The following FNIP2 variants were observed in gnomAD, a reference collection of about 807,000 sequenced individuals.
The protein encoded by FNIP2 is folliculin-interacting protein 2.
Under a neutral mutation model 108.7 loss-of-function variants are expected in FNIP2, and 32 were observed. The ratio of observed to expected loss-of-function variants is 0.29; its 90% confidence interval spans 0.22 to 0.40. FNIP2 has a LOEUF of 0.40. Among genes scored for constraint, FNIP2 ranks in the 10% least tolerant of loss-of-function variants. The probability of loss-of-function intolerance (pLI) is 1.00; values close to 1 mark genes in which losing one functional copy is unlikely to be tolerated. For missense variants in FNIP2, 1,202 were observed against 1,381.6 expected (o/e 0.87, Z 2.06); for synonymous variants, 480 against 496.7 (o/e 0.97, Z 0.45).
chr4:158,854,390 C>T (rs1040681717), intron 8 of FNIP2, among the ~76,000 whole-genome samples: 9 of 152,228 alleles, frequency 5.9e-5, no homozygotes, highest in African/African-American at 2.2e-4. Flanking sequence ...ACCACAGTCA[C>T]AGCCATTAGT....
Position 158,816,585 on chromosome 4 carries a change from C to G in FNIP2, c.108-9331C>G, listed in dbSNP as rs115859166. Among the ~76,000 whole-genome samples, 420 of 152,172 alleles carry G rather than the reference C, an allele frequency of 2.8e-3. 3 individuals carry two copies. Among genetic ancestry groups the G allele is most frequent in the African/African-American group, 9.6e-3 (399 of 41,508 alleles). ...ATCAGTTGAAGTCAGGAGTTCGAAA[C>G]TAGCCTGGCCAACATGCTGAAACCC... On this transcript the variant is annotated intron_variant, in intron 1 of 16. Transcript: ENST00000264433.
intron 1 of FNIP2, among the ~76,000 whole-genome samples, chr4:158,813,303 A>C (rs1244357362): frequency 6.6e-6 from 1 of 152,198 alleles, no homozygotes; most frequent in Non-Finnish European, 1.5e-5. Flanking sequence ...CACCACCAGC[A>C]ATGGGTGAGA....
At chr4:158,897,242 T>C (rs1160861965) in intron 16 of FNIP2, among the ~76,000 whole-genome samples, 8 of 152,254 alleles carry the variant, frequency 5.3e-5, no homozygotes, top group Non-Finnish European at 1.0e-4. Flanking sequence ...AGTCTATCAT[T>C]GATGGGCATT....
chr4:158,875,770 A>G (rs1279713596), intron 14 of FNIP2, among the ~76,000 whole-genome samples: 1 of 152,070 alleles, frequency 6.6e-6, no homozygotes, highest in Non-Finnish European at 1.5e-5. Flanking sequence ...TGTTTGGATA[A>G]TAAACATGGC....
At chr4:158,889,361 TC>T (rs1187347321) in intron 14 of FNIP2, among the ~76,000 whole-genome samples, 2 of 152,234 alleles carry the variant, frequency 1.3e-5, no homozygotes, top group Non-Finnish European at 1.5e-5. Flanking sequence ...TGCAGAATCT[TC>T]CATCCATCAC....
chr4:158,859,616 C>G lies in FNIP2; in HGVS notation c.1098C>G (p.Leu366=). The G allele has an allele frequency of 6.2e-7, 1 of 1,613,604 alleles. No homozygotes were observed. The highest frequency in any genetic ancestry group is 8.5e-7 in the Non-Finnish European group (1 of 1,179,748). ...GTAGGAAAATAGCAGAATCAAGTCT[C>G]CGAGTCCAGTTTTATGTCAGCCGTT... ...ISCRKIAESS[L]RVQFYVSRLM... Residue 366 remains leucine, a synonymous_variant, in exon 10 of 17, where the codon CTC becomes CTG. Coordinates refer to ENST00000264433, the MANE Select transcript of FNIP2 (RefSeq NM_020840.3).
In FNIP2 at chr4:158,868,182, C is replaced by T. The variant is rs1780694044; in HGVS notation, c.1546C>T (p.Arg516Ter). Residue 516 changes from arginine (R) to a stop codon, truncating the protein, a stop_gained, in exon 13 of 17, where the codon CGA becomes TGA. Transcript: ENST00000264433. LOFTEE classifies it high-confidence loss of function. This position sits in a 1 kb window ranked among gnomAD's most constrained non-coding sequence, Gnocchi z 4.6. The stretch of plus-strand genomic sequence containing the variant: ...AGGGAAGCAGAAGGACTTAGTCCAG[C>T]GAATACTTTATGTCCTGACCTACTT... ...VVGKQKDLVQ[R>*]ILYVLTYFLR... The T allele has an allele frequency of 1.2e-6, 2 of 1,614,040 alleles. No homozygotes were observed. Among genetic ancestry groups the T allele is most frequent in the Non-Finnish European group, 1.7e-6 (2 of 1,179,900 alleles).
intron 1 of FNIP2, among the ~76,000 whole-genome samples, chr4:158,771,775 GT>G (rs1775706969): frequency 6.6e-6 from 1 of 152,194 alleles, no homozygotes; most frequent in South Asian, 2.1e-4. Context: ...TTGTTTTAGA[GT>G]TTGTATATCT....
chr4:158,854,540 C>T (rs1327379093), intron 8 of FNIP2, among the ~76,000 whole-genome samples: 3 of 152,218 alleles, frequency 2.0e-5, no homozygotes, highest in East Asian at 1.9e-4. Context: ...TCATCCGTGC[C>T]CTCCCCATCA....
chr4:158,772,973 G>A (rs568195173), intron 1 of FNIP2, among the ~76,000 whole-genome samples: 4 of 152,184 alleles, frequency 2.6e-5, no homozygotes, highest in South Asian at 2.1e-4. Flanking sequence ...ACTAAGGGCC[G>A]GATTGTGATT....
chr4:158,832,005 G>A (rs374209799), intron 4 of FNIP2, 44 bp downstream of exon 4: 35 of 1,597,088 alleles, frequency 2.2e-5, no homozygotes, highest in East Asian at 1.1e-4. Context: ...GAAGTGGAAC[G>A]GTGGTATTGA....
At position 158,907,100 on chromosome 4, in the gene FNIP2, C is replaced by G. The variant is rs537856074; in HGVS notation, c.*2556C>G. 4 of 152,318 alleles carry G rather than the reference C, an allele frequency of 2.6e-5. No individual in the cohort carries two copies. Among genetic ancestry groups the G allele is most frequent in the African/African-American group, 9.6e-5 (4 of 41,570 alleles). The allele number at this position is 152,318 out of a possible 1,614,324, so 9.4% of individuals were successfully genotyped here. On this transcript the variant is annotated 3_prime_UTR_variant, in exon 17 of 17. Transcript: ENST00000264433. ...TAGTGAGGCATGACAGAGCAGAAGT[C>G]TGTAAATGTCCCTGTGATGGACCTC...
intron 6 of FNIP2, 26 bp from the exon 7 acceptor site, chr4:158,835,379 A>G (rs1018417409): frequency 1.9e-6 from 3 of 1,607,784 alleles, no homozygotes; most frequent in African/African-American, 1.3e-5. Context: ...GCCCAATAAC[A>G]TGGTTTTCTT....
At chr4:158,829,603 T>TA (rs1578877901) in intron 3 of FNIP2, among the ~76,000 whole-genome samples, 1 of 152,056 alleles carries the variant, frequency 6.6e-6, no homozygotes, top group East Asian at 1.9e-4. Context: ...AAATAGAACA[T>TA]ACCAGTAAAA....
chr4:158,828,242 T>C (rs528151114), intron 2 of FNIP2, among the ~76,000 whole-genome samples: 1 of 152,376 alleles, frequency 6.6e-6, no homozygotes, highest in African/African-American at 2.4e-5. Context: ...TTCAGGGTTT[T>C]GGTTTCATCC....
At chr4:158,832,405 G>A (rs1379290772) in intron 5 of FNIP2, among the ~76,000 whole-genome samples, 1 of 151,926 alleles carries the variant, frequency 6.6e-6, no homozygotes, top group Non-Finnish European at 1.5e-5. Context: ...TAATTTCCTG[G>A]GAAATCAAAA....
At chr4:158,816,699 C>A (rs781149303) in intron 1 of FNIP2, among the ~76,000 whole-genome samples, 1 of 150,980 alleles carries the variant, frequency 6.6e-6, no homozygotes, top group Non-Finnish European at 1.5e-5. Flanking sequence ...GCAGGAGAAT[C>A]GCATGAACCC....
At chr4:158,880,517 CCG>C (rs1781531892) in intron 14 of FNIP2, among the ~76,000 whole-genome samples, 1 of 152,224 alleles carries the variant, frequency 6.6e-6, no homozygotes, top group Admixed American at 6.5e-5. Flanking sequence ...GTGCAGCACA[CCG>C]ACATGGCACA....
chr4:158,902,122 A>G (rs1729351064), intron 16 of FNIP2, among the ~76,000 whole-genome samples: 2 of 151,844 alleles, frequency 1.3e-5, no homozygotes. Context: ...ATCTTCATGG[A>G]TTTATCTACC....
Sources: gnomAD v4.1 joint callset for allele counts (sites outside exome capture counted in the v4.1 genomes callset) on GRCh38, gnomAD v4.1.1 for gene constraint, Gnocchi (gnomAD v3.1) non-coding constraint, MANE v1.5 for transcripts, NCBI Gene and HGNC (gene_info 2026-07-23, HGNC 2026-07-21) for gene names.